The following SFXN1 variants were observed in gnomAD, a reference collection of about 807,000 sequenced individuals.
The protein encoded by SFXN1 is sideroflexin 1.
SFXN1 carries 32 observed loss-of-function variants against 39.5 expected under a neutral mutation model. That is an observed-to-expected ratio of 0.81 (90% CI 0.61 to 1.09). SFXN1 has a LOEUF of 1.09. Among genes scored for constraint, SFXN1 ranks in the 50% least tolerant of loss-of-function variants. The probability of loss-of-function intolerance (pLI) is 0.00; values close to 1 mark genes in which losing one functional copy is unlikely to be tolerated. For synonymous variants in SFXN1, 136 were observed against 146.5 expected, an observed-to-expected ratio of 0.93 and a Z score of 0.52; for missense variants, 402 against 407.1, an observed-to-expected ratio of 0.99 and a Z score of 0.11.
chr5:175,519,439 C>G (rs1292508646), intron 8 of SFXN1, among the ~76,000 whole-genome samples: 1 of 152,120 alleles, frequency 6.6e-6, no homozygotes, highest in Non-Finnish European at 1.5e-5. Context: ...AGAAACAGCT[C>G]AAATGCCAAT....
chr5:175,481,682 G>T (rs115888514), intron 1 of SFXN1, among the ~76,000 whole-genome samples: 2,083 of 152,310 alleles, frequency 0.014, 43 homozygotes, highest in African/African-American at 0.047. Flanking sequence ...AGTGGGAAAG[G>T]CAGGAGGCCT....
In SFXN1 at chr5:175,495,278, G is replaced by T. The variant is rs113911105; in HGVS notation, c.164+3011G>T. On this transcript the variant is annotated intron_variant, in intron 2 of 10. Transcript: ENST00000321442. ...AAATTCAGAGACAGAAAGTAGAGGG[G>T]AAGTTGCCAGGGGCTGGGGGAAGAG... is the stretch of plus-strand genomic sequence containing the variant. Among the ~76,000 whole-genome samples, 348 of 152,294 alleles carry T rather than the reference G, an allele frequency of 2.3e-3. 7 individuals carry two copies. Among genetic ancestry groups the T allele is most frequent in the African/African-American group, 8.1e-3 (335 of 41,566 alleles).
intron 10 of SFXN1, chr5:175,522,625 C>A (rs924226621): frequency 4.1e-6 from 2 of 482,570 alleles, no homozygotes; most frequent in Non-Finnish European, 7.3e-6. Context: ...TCTTTTCTAC[C>A]CCCTTCCATT....
intron 1 of SFXN1, among the ~76,000 whole-genome samples, chr5:175,481,694 G>T (rs1331356844): frequency 6.6e-6 from 1 of 152,182 alleles, no homozygotes; most frequent in African/African-American, 2.4e-5. Flanking sequence ...AGGAGGCCTT[G>T]ATTCTCCATG....
At chr5:175,483,152 G>A (rs565747143) in intron 1 of SFXN1, among the ~76,000 whole-genome samples, 11 of 152,164 alleles carry the variant, frequency 7.2e-5, no homozygotes, top group South Asian at 4.1e-4. Context: ...AATTATTTCC[G>A]TCTCTTTTTA....
At chr5:175,518,167 G>A (rs1278910413) in intron 8 of SFXN1, among the ~76,000 whole-genome samples, 1 of 152,108 alleles carries the variant, frequency 6.6e-6, no homozygotes, top group Non-Finnish European at 1.5e-5. Context: ...CAGTTTTCTT[G>A]AAGAATAGTT....
At chr5:175,503,800 C>T (rs952940270) in intron 2 of SFXN1, among the ~76,000 whole-genome samples, 3 of 152,032 alleles carry the variant, frequency 2.0e-5, no homozygotes, top group African/African-American at 2.4e-5. Context: ...GTCAGGAATT[C>T]GAGACCAGCC....
Position 175,526,811 on chromosome 5 carries a change from C to A in SFXN1, c.*77C>A. 1 of 1,207,304 alleles carries A rather than the reference C, an allele frequency of 8.3e-7. No homozygotes were observed. Among genetic ancestry groups the A allele is most frequent in the South Asian group, 1.2e-5 (1 of 80,406 alleles). 74.8% of individuals were successfully genotyped at this position (1,207,304 alleles called of 1,614,324 possible). On this transcript the variant is annotated 3_prime_UTR_variant, in exon 11 of 11. Transcript: ENST00000321442. ...CCATGCTGGTGAGAAAAATCCTGTT[C>A]AACCTGGGTTCTCCCAGTTACGGAA...
In SFXN1 at chr5:175,521,935, G is replaced by C; in HGVS notation, c.791G>C (p.Ser264Thr). ...KAFLKRFPWM[S>T]APIQVGLVGF... ...TCAACACAGAGGTTCCCATGGATGAGTGCACCCATTCAAGTTGGGTTAGTT... is the reference window on the plus strand; with the variant it reads ...TCAACACAGAGGTTCCCATGGATGACTGCACCCATTCAAGTTGGGTTAGTT... Residue 264 changes from serine (S) to threonine (T), a missense_variant, in exon 9 of 11, where the codon AGT (serine) becomes ACT (threonine). Ser to Thr is a moderately conservative substitution (Grantham distance 58). Transcript: ENST00000321442. The C allele has an allele frequency of 6.2e-7, 1 of 1,603,040 alleles. No individual in the cohort carries two copies. Among genetic ancestry groups the C allele is most frequent in the South Asian group, 1.1e-5 (1 of 89,076 alleles).
intron 1 of SFXN1, among the ~76,000 whole-genome samples, chr5:175,481,542 C>T (rs1469991103): frequency 6.6e-6 from 1 of 152,172 alleles, no homozygotes; most frequent in African/African-American, 2.4e-5. Context: ...TCTCGATCTC[C>T]TGACCTCATG....
intron 10 of SFXN1, 162 bp downstream of exon 10, chr5:175,522,584 C>A (rs1434483862): frequency 1.8e-6 from 1 of 570,912 alleles, no homozygotes; most frequent in Non-Finnish European, 3.0e-6. Flanking sequence ...GAAATCAAAC[C>A]CACATCTGTC....
chr5:175,525,255 G>A (rs1761022504), intron 10 of SFXN1, among the ~76,000 whole-genome samples: 1 of 152,206 alleles, frequency 6.6e-6, no homozygotes, highest in African/African-American at 2.4e-5. Context: ...GTATAGCAGG[G>A]CTTTGGGATC....
At chr5:175,492,445 C>T (rs931249358) in intron 2 of SFXN1, 178 bp downstream of exon 2, 11 of 557,028 alleles carry the variant, frequency 2.0e-5, no homozygotes, top group Non-Finnish European at 3.1e-5. Flanking sequence ...CCATTGCTCG[C>T]CCTTAACACA....
intron 1 of SFXN1, among the ~76,000 whole-genome samples, chr5:175,485,487 C>T (rs934323591): frequency 3.3e-5 from 5 of 152,186 alleles, no homozygotes; most frequent in Admixed American, 2.6e-4. Flanking sequence ...CTTCTGCCTC[C>T]TTCCATCTCT....
At chr5:175,503,831 C>T (rs2644668) in intron 2 of SFXN1, among the ~76,000 whole-genome samples, 8,286 of 151,978 alleles carry the variant, frequency 0.055, 745 homozygotes, top group African/African-American at 0.19. Context: ...GGTGAAACCC[C>T]GTTTCTACTA....
At chr5:175,517,619 G>A (rs1416761565) in intron 8 of SFXN1, among the ~76,000 whole-genome samples, 2 of 152,164 alleles carry the variant, frequency 1.3e-5, no homozygotes, top group African/African-American at 4.8e-5. Flanking sequence ...ACAGTTGCTG[G>A]TATATGTCGG....
intron 3 of SFXN1, chr5:175,509,490 A>G (rs1760436534): frequency 5.0e-6 from 1 of 200,422 alleles, no homozygotes; most frequent in African/African-American, 2.3e-5. Context: ...TAGTTCCATT[A>G]TGTTTGAATG....
At chr5:175,494,843 C>A in intron 2 of SFXN1, among the ~76,000 whole-genome samples, 1 of 151,510 alleles carries the variant, frequency 6.6e-6, no homozygotes, top group South Asian at 2.1e-4. Context: ...AAAGATAATA[C>A]CAAATAGAGT....
At chr5:175,500,151 G>T (rs917982845) in intron 2 of SFXN1, among the ~76,000 whole-genome samples, 1 of 152,076 alleles carries the variant, frequency 6.6e-6, no homozygotes, top group Non-Finnish European at 1.5e-5. Context: ...TTGCACCATT[G>T]TACTCCAGCC....
Sources: gnomAD v4.1 joint callset for allele counts (sites outside exome capture counted in the v4.1 genomes callset) on GRCh38, gnomAD v4.1.1 for gene constraint, MANE v1.5 for transcripts, NCBI Gene and HGNC (gene_info 2026-07-23, HGNC 2026-07-21) for gene names.